Variants in DNAH5 observed in about 807,000 individuals in gnomAD.
The protein encoded by DNAH5 is dynein axonemal heavy chain 5, also known as axonemal beta dynein heavy chain 5.
A neutral mutation model predicts 518.2 loss-of-function variants in DNAH5; 372 were observed. The observed-to-expected ratio is 0.72, with a 90% confidence interval of 0.66 to 0.78. The LOEUF is 0.78. Among genes scored for constraint, DNAH5 ranks in the 30% least tolerant of loss-of-function variants. DNAH5 has a pLI of 0.00. For missense variants in DNAH5, 5,523 were observed against 5,687.0 expected, an observed-to-expected ratio of 0.97 and a Z score of 0.93; for synonymous variants, 2,039 against 2,025.9, an observed-to-expected ratio of 1.01 and a Z score of -0.17.
chr5:13,834,586 G>A (rs1764130314), intron 35 of DNAH5, among the ~76,000 whole-genome samples: 1 of 152,162 alleles, frequency 6.6e-6, no homozygotes, highest in Non-Finnish European at 1.5e-5. Context: ...AGGATAAGAG[G>A]GTTATGAGAT....
intron 22 of DNAH5, 48 bp downstream of exon 22, chr5:13,876,636 T>C: frequency 1.2e-6 from 2 of 1,604,134 alleles, no homozygotes; most frequent in Non-Finnish European, 1.7e-6. Flanking sequence ...TTCACACAAG[T>C]GCATGTTGCA....
chr5:13,706,640 A>T (rs1742825019), intron 76 of DNAH5, among the ~76,000 whole-genome samples: 1 of 152,214 alleles, frequency 6.6e-6, no homozygotes, highest in African/African-American at 2.4e-5. Context: ...AATACCATTT[A>T]GGCTCCATCC....
chr5:13,741,914 C>T (rs1176071973), intron 65 of DNAH5, among the ~76,000 whole-genome samples: 5 of 152,104 alleles, frequency 3.3e-5, no homozygotes, highest in South Asian at 4.1e-4. Flanking sequence ...AAAAACTGCT[C>T]ATAGGATTAT....
intron 61 of DNAH5, among the ~76,000 whole-genome samples, chr5:13,755,904 A>G (rs1416944170): frequency 6.6e-6 from 1 of 152,238 alleles, no homozygotes; most frequent in African/African-American, 2.4e-5. Context: ...CTGGAAGCCC[A>G]GGCTTCTTTG....
Position 13,823,328 on chromosome 5 carries a change from G to T in DNAH5, c.6622C>A (p.Leu2208Ile). Residue 2208 changes from leucine (L) to isoleucine (I), a missense_variant, in exon 40 of 79, where the codon CTC (leucine) becomes ATC (isoleucine). Transcript: ENST00000265104. Reference protein sequence around the residue: ...EPLFLSLIEDLFPNILLDKAG... With the variant: ...EPLFLSLIEDIFPNILLDKAG... ...TTGTCCAGAAGAATATTTGGAAAGAGATCTTCAATCAAACTCAAAAACAAG... is the reference window on the plus strand; with the variant it reads ...TTGTCCAGAAGAATATTTGGAAAGATATCTTCAATCAAACTCAAAAACAAG... The T allele has an allele frequency of 6.2e-7, 1 of 1,613,924 alleles. No individual in the cohort carries two copies. Among genetic ancestry groups the T allele is most frequent in the Non-Finnish European group, 8.5e-7 (1 of 1,179,880 alleles).
intron 65 of DNAH5, among the ~76,000 whole-genome samples, chr5:13,747,093 G>A (rs1203620739): frequency 2.6e-5 from 4 of 151,162 alleles, no homozygotes; most frequent in Non-Finnish European, 4.4e-5. Flanking sequence ...CTGTGTCCAA[G>A]TGTTCTCATT....
intron 31 of DNAH5, 59 bp from the exon 32 acceptor site, chr5:13,845,052 A>G: frequency 6.5e-7 from 1 of 1,541,190 alleles, no homozygotes. Flanking sequence ...CGTTCAAGGA[A>G]TAAATTAACC....
intron 75 of DNAH5, among the ~76,000 whole-genome samples, chr5:13,714,084 G>A (rs75540695): frequency 0.02 from 3,025 of 152,098 alleles, 102 homozygotes; most frequent in African/African-American, 0.068. Flanking sequence ...ATAATACTTC[G>A]CTTTATTTTG....
intron 44 of DNAH5, among the ~76,000 whole-genome samples, chr5:13,810,752 T>A (rs1760557615): frequency 1.6e-5 from 2 of 128,428 alleles, no homozygotes; most frequent in African/African-American, 2.9e-5. Flanking sequence ...AGACTCCATG[T>A]CAAAAAACAA....
In DNAH5 at chr5:13,882,732, A is replaced by G. The variant is rs10057007; in HGVS notation, c.3258T>C (p.Leu1086=). Residue 1086 remains leucine (L), a synonymous_variant, in exon 21 of 79, where the codon CTT becomes CTC. Transcript: ENST00000265104. ...DSDVEMGENE[L]QDTLEIASVN... ...AAAGACTAAAAGAACATTTACCTTG[A>G]AGTTCATTTTCTCCCATTTCAACAT... 395,075 of 1,608,472 alleles carry G rather than the reference A, an allele frequency of 0.25. 50,011 individuals carry two copies. Among genetic ancestry groups the G allele is most frequent in the Admixed American group, 0.32 (19,055 of 59,962 alleles).
chr5:13,881,804 G>C (rs1322546190), intron 21 of DNAH5, among the ~76,000 whole-genome samples: 2 of 151,908 alleles, frequency 1.3e-5, no homozygotes, highest in South Asian at 2.1e-4. Flanking sequence ...CAAGCCCAAA[G>C]TTAGCAGAAG....
Position 13,821,548 on chromosome 5 carries a change from AAGATGATC to A in DNAH5, c.6688-1057_6688-1050del, listed in dbSNP as rs146626637. On this transcript the variant is annotated intron_variant, in intron 40 of 78. Transcript: ENST00000265104. ...AGCAGAGTGACTAAGCAATTTGCCC[AAGATGATC>A]AGCTTGTGAAACTATGGAATGCAGA... Among the ~76,000 whole-genome samples the A allele has an allele frequency of 7.2e-3, 1,092 of 152,350 alleles. 10 individuals carry two copies. Among genetic ancestry groups the A allele is most frequent in the African/African-American group, 0.025 (1,031 of 41,590 alleles).
chr5:13,891,498 C>T (rs1172760144), intron 16 of DNAH5, among the ~76,000 whole-genome samples: 1 of 152,120 alleles, frequency 6.6e-6, no homozygotes, highest in Non-Finnish European at 1.5e-5. Flanking sequence ...TGAGCTCCTG[C>T]CTGCCTAACT....
Position 13,839,436 on chromosome 5 carries a change from G to A in DNAH5, c.5802C>T (p.His1934=), listed in dbSNP as rs754458099. ...GGTATATGAACGCCACATCTGTGAT[G>A]TGAATCATCATCTTGTCAGAATCTT... ...FNEDSDKMMI[H]ITDVAFIYQN... is the part of the protein sequence containing the mutation. Residue 1934 remains histidine (H), a synonymous_variant, in exon 35 of 79, where the codon CAC becomes CAT. Coordinates refer to ENST00000265104, the MANE Select transcript of DNAH5 (RefSeq NM_001369.3). 1.9e-6 allele frequency: 3 copies of A among 1,613,940 alleles called. No individual in the cohort carries two copies. The South Asian group carries it at 3.3e-5, about 18-fold the overall frequency.
At position 13,839,633 on chromosome 5, in the gene DNAH5, C is replaced by G. The variant is rs955113266; in HGVS notation, c.5710-105G>C. The G allele has an allele frequency of 1.1e-5, 11 of 1,023,824 alleles. No homozygotes were observed. The African/African-American group carries it at 1.6e-4, about 15-fold the overall frequency. 63.4% of individuals were successfully genotyped at this position (1,023,824 alleles called of 1,614,324 possible). A position where few individuals can be genotyped will look rare whatever the true frequency, so the allele number is the denominator to read the frequency against. ...CATAAAGTGAAATAAATGAAACTCA[C>G]AGACAACCGAACTATTTCACAGGTG... is the stretch of plus-strand genomic sequence containing the variant. On this transcript the variant is annotated intron_variant, in intron 34 of 78. Coordinates refer to ENST00000265104, the MANE Select transcript of DNAH5 (RefSeq NM_001369.3).
At chr5:13,870,126 A>T (rs1769867842) in intron 24 of DNAH5, among the ~76,000 whole-genome samples, 1 of 152,204 alleles carries the variant, frequency 6.6e-6, no homozygotes, top group African/African-American at 2.4e-5. Flanking sequence ...ATCAAATTAC[A>T]TAATTTCTTC....
intron 15 of DNAH5, among the ~76,000 whole-genome samples, chr5:13,896,143 G>A (rs960630442): frequency 2.6e-5 from 4 of 151,968 alleles, no homozygotes; most frequent in African/African-American, 4.8e-5. Context: ...CAGTTTAGCA[G>A]CAAAAATGAT....
chr5:13,766,091 A>G lies in DNAH5; in HGVS notation c.9986T>C (p.Leu3329Pro), dbSNP rs878854459. Reference protein sequence around the residue: ...IMRIMDCVLLLFQRKVSAVKI... With the variant: ...IMRIMDCVLLPFQRKVSAVKI... The stretch of plus-strand genomic sequence containing the variant: ...CACAGCACTGACTTTCCTTTGAAAC[A>G]GCAGCAGTACGCAATCCATGATCCG... The change falls in exon 59 of 79, where the codon CTG becomes CCG. Residue 3329 changes from leucine (L) to proline (P), a missense_variant. Leu to Pro is a moderately conservative substitution (Grantham distance 98). Around this residue, in one of 3 missense-constraint regions of DNAH5, gnomAD observed 5,121 missense variants for 5,223.3 expected, o/e 0.98. Coordinates refer to ENST00000265104, the MANE Select transcript of DNAH5 (RefSeq NM_001369.3). 6.2e-7 allele frequency: 1 copy of G among 1,614,214 alleles called. No homozygotes were observed. Among genetic ancestry groups the G allele is most frequent in the Admixed American group, 1.7e-5 (1 of 60,024 alleles).
intron 22 of DNAH5, among the ~76,000 whole-genome samples, chr5:13,872,918 G>C (rs78483641): frequency 0.014 from 2,103 of 152,140 alleles, 48 homozygotes; most frequent in African/African-American, 0.046. Context: ...TGGACATACA[G>C]AGCAGAATGA....
Sources: allele counts gnomAD v4.1 joint callset (sites outside exome capture counted in the v4.1 genomes callset), GRCh38; gene constraint gnomAD v4.1.1; regional missense constraint gnomAD v4.1.1; transcripts MANE v1.5; gene names NCBI Gene and HGNC (gene_info 2026-07-23, HGNC 2026-07-21).